The following CDH2 variants were observed in gnomAD, a reference collection of about 807,000 sequenced individuals.
The protein encoded by CDH2 is cadherin 2.
A neutral mutation model predicts 92.0 loss-of-function variants in CDH2; 17 were observed. The ratio of observed to expected loss-of-function variants is 0.18; its 90% CI spans 0.13 to 0.28. The LOEUF (loss-of-function observed/expected upper bound fraction) is 0.28, where lower values mean the gene tolerates loss of function less well. Among genes scored for constraint, CDH2 ranks in the 10% least tolerant of loss-of-function variants. CDH2 has a pLI of 1.00. For missense variants in CDH2, 862 were observed against 1,133.1 expected, an observed-to-expected ratio of 0.76 and a Z score of 3.44; for synonymous variants, 419 against 415.9, an observed-to-expected ratio of 1.01 and a Z score of -0.09.
intron 2 of CDH2, among the ~76,000 whole-genome samples, chr18:28,092,597 A>G (rs1007278906): frequency 6.6e-6 from 1 of 152,008 alleles, no homozygotes; most frequent in Non-Finnish European, 1.5e-5. Context: ...AAGCCCCATA[A>G]AAACTCTGCA....
chr18:28,036,386 A>G (rs1599052482), intron 2 of CDH2: 2 of 766,780 alleles, frequency 2.6e-6, no homozygotes, highest in Non-Finnish European at 4.7e-6. Context: ...TACTTTGTAC[A>G]TAAGTCTTCT....
At chr18:27,937,347 A>G (rs1909042998) in intron 6 of CDH2, among the ~76,000 whole-genome samples, 1 of 152,190 alleles carries the variant, frequency 6.6e-6, no homozygotes, top group Non-Finnish European at 1.5e-5. Flanking sequence ...TCTGTAATTT[A>G]CTATGTGATT....
At chr18:28,094,386 G>A (rs1183732077) in intron 2 of CDH2, among the ~76,000 whole-genome samples, 1 of 152,028 alleles carries the variant, frequency 6.6e-6, no homozygotes, top group East Asian at 1.9e-4. Context: ...TACTACAGAG[G>A]CTGAGGCACG....
At chr18:28,120,163 T>A (rs1246806564) in intron 2 of CDH2, among the ~76,000 whole-genome samples, 1 of 152,060 alleles carries the variant, frequency 6.6e-6, no homozygotes. Context: ...ATGTCTAAAT[T>A]ATCCCTAAGT....
chr18:27,974,753 T>C (rs968952955), intron 14 of CDH2, among the ~76,000 whole-genome samples: 7 of 151,868 alleles, frequency 4.6e-5, no homozygotes, highest in African/African-American at 7.3e-5. Flanking sequence ...CCAAGGGAGG[T>C]TGTTTGCTCC....
chr18:27,991,497 C>A (rs184219500), intron 9 of CDH2, among the ~76,000 whole-genome samples: 10 of 152,288 alleles, frequency 6.6e-5, no homozygotes, highest in South Asian at 4.1e-4. Context: ...CCACACGAAA[C>A]CTTCCCCTGA....
chr18:28,115,391 A>G (rs2015480234), intron 2 of CDH2, among the ~76,000 whole-genome samples: 2 of 152,174 alleles, frequency 1.3e-5, no homozygotes, highest in Non-Finnish European at 2.9e-5. Context: ...AGTGTGAATC[A>G]CTGTGCTGTC....
chr18:28,094,243 T>C (rs1230218573), intron 2 of CDH2, among the ~76,000 whole-genome samples: 2 of 151,988 alleles, frequency 1.3e-5, no homozygotes, highest in Non-Finnish European at 2.9e-5. Flanking sequence ...TCTCAAAACT[T>C]TGGGAGGCTA....
At chr18:27,995,379 C>G (rs1256427869) in intron 7 of CDH2, among the ~76,000 whole-genome samples, 1 of 151,658 alleles carries the variant, frequency 6.6e-6, no homozygotes, top group Non-Finnish European at 1.5e-5. Context: ...TTTCCTTCCC[C>G]AATTAGAAGT....
rs555890052 is a variant in CDH2 at position 28,101,556 on chromosome 18, C to T, written c.172+46117G>A. The stretch of plus-strand genomic sequence containing the variant: ...ACTTGTGATTTATAAACAAATACAT[C>T]GTCACACATTTCAGAATTTAATCTC... On this transcript the variant is annotated intron_variant, in intron 2 of 15. Transcript: ENST00000269141. Among the ~76,000 whole-genome samples, 400 of 152,230 alleles carry T rather than the reference C, an allele frequency of 2.6e-3. 4 individuals are homozygous for T. The highest frequency in any genetic ancestry group is 8.5e-3 in the African/African-American group (354 of 41,554).
chr18:28,103,442 TTATA>T lies in CDH2; in HGVS notation c.172+44227_172+44230del, dbSNP rs375212785. ...TAAAGTATACATATATGAAGTATGT[TTATA>T]TATATATATATACACATAAAGTATG... On this transcript the variant is annotated intron_variant, in intron 2 of 15. Coordinates refer to ENST00000269141, the MANE Select transcript of CDH2 (RefSeq NM_001792.5). Among the ~76,000 whole-genome samples, 68 of 140,894 alleles carry T rather than the reference TTATA, an allele frequency of 4.8e-4. No homozygotes were observed. The Middle Eastern group carries it at 0.019, about 40-fold the overall frequency. 92.4% of individuals were successfully genotyped at this position (140,894 alleles called of 152,430 possible). A position where few individuals can be genotyped will look rare whatever the true frequency, so the allele number is the denominator to read the frequency against.
At chr18:28,143,818 A>G (rs953802599) in intron 2 of CDH2, among the ~76,000 whole-genome samples, 2 of 152,018 alleles carry the variant, frequency 1.3e-5, no homozygotes, top group Non-Finnish European at 2.9e-5. Context: ...ATGCAGCCAT[A>G]AAAAAAGAAT....
At chr18:27,980,142 AC>A (rs1195613487) in intron 14 of CDH2, among the ~76,000 whole-genome samples, 1 of 152,124 alleles carries the variant, frequency 6.6e-6, no homozygotes, top group African/African-American at 2.4e-5. Flanking sequence ...GCCTTTAAAA[AC>A]CGTAAGGATA....
intron 2 of CDH2, among the ~76,000 whole-genome samples, chr18:28,102,664 T>A (rs993977122): frequency 4.6e-5 from 7 of 152,136 alleles, no homozygotes; most frequent in African/African-American, 1.7e-4. Context: ...GTAAATTAAA[T>A]ATACAAAATC....
chr18:28,143,824 A>G (rs1160529925), intron 2 of CDH2, among the ~76,000 whole-genome samples: 1 of 152,104 alleles, frequency 6.6e-6, no homozygotes, highest in Non-Finnish European at 1.5e-5. Context: ...CCATAAAAAA[A>G]GAATGAGATC....
intron 2 of CDH2, among the ~76,000 whole-genome samples, chr18:28,081,133 CAG>C (rs1254176573): frequency 6.6e-6 from 1 of 152,202 alleles, no homozygotes; most frequent in African/African-American, 2.4e-5. Flanking sequence ...ATTAGTTACA[CAG>C]AGTCTCATCA....
At chr18:27,975,896 C>T (rs1045089006) in intron 14 of CDH2, among the ~76,000 whole-genome samples, 3 of 152,104 alleles carry the variant, frequency 2.0e-5, no homozygotes, top group African/African-American at 4.8e-5. Flanking sequence ...GGGCAGGTCG[C>T]TCTCCCCTGA....
intron 2 of CDH2, among the ~76,000 whole-genome samples, chr18:28,043,890 ATTTTTTTT>A (rs67532914): frequency 1.4e-4 from 13 of 91,468 alleles, no homozygotes; most frequent in African/African-American, 3.5e-4. Context: ...AGAATCTCGG[ATTTTTTTT>A]TTTTTTTTTT....
At chr18:28,093,670 T>C (rs568459706) in intron 2 of CDH2, among the ~76,000 whole-genome samples, 1 of 152,304 alleles carries the variant, frequency 6.6e-6, no homozygotes, top group South Asian at 2.1e-4. Context: ...AAAATCACCA[T>C]CACTGCCAGC....
Sources: gnomAD v4.1 joint callset for allele counts (sites outside exome capture counted in the v4.1 genomes callset) on GRCh38, gnomAD v4.1.1 for gene constraint, MANE v1.5 for transcripts, NCBI Gene and HGNC (gene_info 2026-07-23, HGNC 2026-07-21) for gene names.